P4HA1: variants seen among roughly 807,000 people sequenced by gnomAD.
The protein encoded by P4HA1 is prolyl 4-hydroxylase subunit alpha-1.
A neutral mutation model predicts 72.8 loss-of-function variants in P4HA1; 24 were observed. The observed-to-expected ratio is 0.33, with a 90% CI of 0.24 to 0.46. The LOEUF is 0.46. P4HA1 is among the 20% of genes least tolerant of loss of function. The probability of loss-of-function intolerance (pLI) is 1.00; values close to 1 mark genes in which losing one functional copy is unlikely to be tolerated. For synonymous variants in P4HA1, 201 were observed against 218.8 expected (o/e 0.92, Z 0.72); for missense variants, 446 against 640.6 (o/e 0.70, Z 3.28).
intron 9 of P4HA1, among the ~76,000 whole-genome samples, chr10:73,039,575 A>C (rs1589595481): frequency 6.6e-6 from 1 of 151,660 alleles, no homozygotes; most frequent in Non-Finnish European, 1.5e-5. Context: ...CCAAAGTGCT[A>C]GGATTACAGG....
At chr10:73,085,732 G>C (rs1159572527) in intron 1 of P4HA1, among the ~76,000 whole-genome samples, 2 of 152,048 alleles carry the variant, frequency 1.3e-5, no homozygotes, top group African/African-American at 4.8e-5. Flanking sequence ...TTTCTCCAAA[G>C]AGGCAAGTAC....
intron 7 of P4HA1, among the ~76,000 whole-genome samples, chr10:73,049,230 C>G (rs1375112481): frequency 6.6e-6 from 1 of 152,146 alleles, no homozygotes; most frequent in African/African-American, 2.4e-5. Context: ...AAAGTGTCAC[C>G]ATACGTATTG....
rs531009415 is a variant in P4HA1, at chr10:73,058,270, T to G, written c.464-4680A>C. On this transcript the variant is annotated intron_variant, in intron 5 of 14. Transcript: ENST00000394890. ...AAACTGATGGGTGTGAAGACAACAG[T>G]GACTCCATCTTGCATGCTAATCTAC... Among the ~76,000 whole-genome samples the G allele has an allele frequency of 2.6e-5, 4 of 152,170 alleles. No homozygotes were observed. In the East Asian group the frequency reaches 7.7e-4, roughly 29 times the overall value.
chr10:73,025,603 T>C (rs1312752374), intron 10 of P4HA1, among the ~76,000 whole-genome samples: 1 of 151,922 alleles, frequency 6.6e-6, no homozygotes, highest in Non-Finnish European at 1.5e-5. Context: ...GTGTTGGAAG[T>C]TCTGGCCAGG....
chr10:73,084,635 A>C (rs1227334955), intron 1 of P4HA1, among the ~76,000 whole-genome samples: 1 of 152,156 alleles, frequency 6.6e-6, no homozygotes, highest in African/African-American at 2.4e-5. Context: ...TTTATATAGC[A>C]GTTATACTAC....
chr10:73,093,889 TATATATATATATATATATAC>T (rs1402500555), intron 1 of P4HA1, among the ~76,000 whole-genome samples: 64 of 75,840 alleles, frequency 8.4e-4, no homozygotes, highest in African/African-American at 3.2e-3. Context: ...TATATATATA[TATATATATATATATATATAC>T]ACACACACAC....
intron 5 of P4HA1, among the ~76,000 whole-genome samples, chr10:73,062,876 A>G (rs1841343035): frequency 6.6e-6 from 1 of 152,226 alleles, no homozygotes; most frequent in Non-Finnish European, 1.5e-5. Flanking sequence ...GTTGAATTCC[A>G]GTATCAAACA....
At chr10:73,038,373 A>C (rs1047571627) in intron 9 of P4HA1, among the ~76,000 whole-genome samples, 1 of 152,198 alleles carries the variant, frequency 6.6e-6, no homozygotes, top group African/African-American at 2.4e-5. Flanking sequence ...TCAGAGTAAA[A>C]AAATGAAAAT....
At chr10:73,039,285 TA>T (rs59125564) in intron 9 of P4HA1, among the ~76,000 whole-genome samples, 16,289 of 143,756 alleles carry the variant, frequency 0.11, 1,205 homozygotes, top group East Asian at 0.3. Flanking sequence ...CCCTGCCTCT[TA>T]AAAAAAAAAA....
chr10:73,022,624 C>T (rs1840163076), intron 10 of P4HA1, among the ~76,000 whole-genome samples: 1 of 152,156 alleles, frequency 6.6e-6, no homozygotes, highest in South Asian at 2.1e-4. Flanking sequence ...AGCAACAGAA[C>T]AAAGCTGGAC....
intron 10 of P4HA1, among the ~76,000 whole-genome samples, chr10:73,023,923 T>A (rs1177602719): frequency 6.6e-6 from 1 of 152,020 alleles, no homozygotes; most frequent in African/African-American, 2.4e-5. Context: ...AGGGATCAAT[T>A]CAACAAGAAG....
intron 11 of P4HA1, 80 bp downstream of exon 11, chr10:73,016,766 G>C: frequency 9.5e-7 from 1 of 1,048,340 alleles, no homozygotes; most frequent in Non-Finnish European, 1.5e-6. Context: ...GACAGAGTGA[G>C]ACTGTTTTTT....
At chr10:73,061,420 A>G (rs1841311532) in intron 5 of P4HA1, among the ~76,000 whole-genome samples, 1 of 151,486 alleles carries the variant, frequency 6.6e-6, no homozygotes, top group South Asian at 2.1e-4. Flanking sequence ...AACCAATGTC[A>G]TAAAGAGAAA....
intron 3 of P4HA1, 54 bp downstream of exon 3, chr10:73,073,677 G>T: frequency 2.3e-6 from 2 of 876,922 alleles, no homozygotes. Context: ...TTTAGCTTGA[G>T]AAAGAAAACA....
At chr10:73,029,847 G>T (rs1240911030) in intron 10 of P4HA1, among the ~76,000 whole-genome samples, 1 of 151,866 alleles carries the variant, frequency 6.6e-6, no homozygotes, top group Non-Finnish European at 1.5e-5. Flanking sequence ...CAGAAAAAGA[G>T]AAGTGATGAA....
intron 9 of P4HA1, among the ~76,000 whole-genome samples, chr10:73,030,768 T>A (rs1840415744): frequency 6.6e-6 from 1 of 152,206 alleles, no homozygotes; most frequent in Admixed American, 6.5e-5. Flanking sequence ...GTCTTTAGTC[T>A]GAGCTACATA....
At chr10:73,051,904 T>C (rs1841029505) in intron 6 of P4HA1, among the ~76,000 whole-genome samples, 1 of 152,172 alleles carries the variant, frequency 6.6e-6, no homozygotes, top group African/African-American at 2.4e-5. Flanking sequence ...ATCCTACTTA[T>C]TTTAAGAAAT....
chr10:73,074,706 C>G, intron 2 of P4HA1, 102 bp downstream of exon 2: 1 of 688,684 alleles, frequency 1.5e-6, no homozygotes, highest in East Asian at 2.7e-5. Context: ...TAAACCTATA[C>G]TCTAGGAATA....
intron 1 of P4HA1, among the ~76,000 whole-genome samples, chr10:73,094,755 C>CT (rs1284755268): frequency 1.3e-5 from 2 of 152,168 alleles, no homozygotes; most frequent in Non-Finnish European, 2.9e-5. Flanking sequence ...TTAACAGCTC[C>CT]TTGCCAAAAA....
Sources: allele counts gnomAD v4.1 joint callset (sites outside exome capture counted in the v4.1 genomes callset), GRCh38; gene constraint gnomAD v4.1.1; transcripts MANE v1.5; gene names NCBI Gene and HGNC (gene_info 2026-07-23, HGNC 2026-07-21).